Variants in ACSL3 observed in about 807,000 individuals in gnomAD.
ACSL3 encodes the protein acyl-CoA synthetase long chain family member 3, also known as fatty acid CoA ligase Acsl3.
Under a neutral mutation model 84.7 loss-of-function variants are expected in ACSL3, and 34 were observed. The observed-to-expected ratio is 0.40, with a 90% CI of 0.31 to 0.53. The LOEUF (loss-of-function observed/expected upper bound fraction) is 0.53, where lower values mean the gene tolerates loss of function less well. Ranked by LOEUF, ACSL3 falls within the 20% of genes least tolerant of loss-of-function variation. The pLI is 0.48. For synonymous variants in ACSL3, 315 were observed against 299.4 expected (o/e 1.05, Z -0.54); for missense variants, 680 against 873.1 (o/e 0.78, Z 2.79).
chr2:222,869,128 A>G (rs1180947464), intron 1 of ACSL3, among the ~76,000 whole-genome samples: 1 of 152,176 alleles, frequency 6.6e-6, no homozygotes, highest in Non-Finnish European at 1.5e-5. Context: ...CCTGATAATG[A>G]TTCAGATGGT....
At chr2:222,912,487 T>A (rs1696470182) in intron 4 of ACSL3, among the ~76,000 whole-genome samples, 1 of 152,228 alleles carries the variant, frequency 6.6e-6, no homozygotes, top group African/African-American at 2.4e-5. Flanking sequence ...TTAAATAGTT[T>A]CCATATTTGA....
intron 15 of ACSL3, chr2:222,933,507 G>A: frequency 2.7e-6 from 1 of 376,846 alleles, no homozygotes; most frequent in East Asian, 4.4e-5. Flanking sequence ...TCACTGCAGT[G>A]TCCCATGGAG....
intron 1 of ACSL3, among the ~76,000 whole-genome samples, chr2:222,863,925 C>T (rs1220423118): frequency 6.6e-6 from 1 of 151,892 alleles, no homozygotes; most frequent in African/African-American, 2.4e-5. Context: ...GCCAAAGTTA[C>T]TGCTTTCAAA....
At chr2:222,900,517 T>G (rs769886271) in intron 2 of ACSL3, among the ~76,000 whole-genome samples, 157 bp from the exon 3 acceptor site, 2 of 152,188 alleles carry the variant, frequency 1.3e-5, no homozygotes, top group African/African-American at 2.4e-5. Flanking sequence ...AAACCCGTAT[T>G]TTCAAGACTG....
intron 2 of ACSL3, among the ~76,000 whole-genome samples, chr2:222,889,423 G>T (rs1190540673): frequency 1.3e-5 from 2 of 152,102 alleles, no homozygotes; most frequent in Non-Finnish European, 2.9e-5. Context: ...GGAATGTCAT[G>T]AACTACTTGG....
chr2:222,866,231 C>T (rs1428797974), intron 1 of ACSL3, among the ~76,000 whole-genome samples: 6 of 152,150 alleles, frequency 3.9e-5, no homozygotes, highest in Non-Finnish European at 7.4e-5. Context: ...CTGTAAGCTC[C>T]GCTTCCCGGG....
At chr2:222,925,069 GCT>G (rs1456789239) in intron 11 of ACSL3, among the ~76,000 whole-genome samples, 2 of 151,432 alleles carry the variant, frequency 1.3e-5, no homozygotes, top group Non-Finnish European at 2.9e-5. Flanking sequence ...GAACACGGTG[GCT>G]CACTCCTGTA....
intron 16 of ACSL3, among the ~76,000 whole-genome samples, chr2:222,937,197 G>T (rs991536480): frequency 2.1e-5 from 1 of 48,674 alleles, no homozygotes. Flanking sequence ...TACATTAAAT[G>T]GTATTGTTTT....
intron 13 of ACSL3, 66 bp from the exon 14 acceptor site, chr2:222,930,555 C>G (rs1697002300): frequency 7.7e-7 from 1 of 1,292,018 alleles, no homozygotes. Context: ...TGTTTAGAAA[C>G]TAGTAGTTTC....
chr2:222,866,253 C>T (rs1204895911), intron 1 of ACSL3, among the ~76,000 whole-genome samples: 2 of 152,086 alleles, frequency 1.3e-5, no homozygotes, highest in African/African-American at 4.8e-5. Context: ...TCACGCCATT[C>T]TCCTGCCTCA....
chr2:222,918,193 T>G (rs781520749), intron 6 of ACSL3, 38 bp downstream of exon 6: 2 of 1,426,094 alleles, frequency 1.4e-6, no homozygotes, highest in African/African-American at 2.8e-5. Context: ...TCTGATACTT[T>G]AGAATTTTCA....
chr2:222,924,706 A>G, intron 11 of ACSL3, 111 bp downstream of exon 11: 1 of 1,235,902 alleles, frequency 8.1e-7, no homozygotes, highest in South Asian at 1.6e-5. Context: ...TATATTTCAT[A>G]AAGTCAAGAG....
Position 222,908,932 on chromosome 2 carries a change from C to T in ACSL3, c.160C>T (p.Arg54Ter). 4 of 1,612,498 alleles carry T rather than the reference C, an allele frequency of 2.5e-6. No individual in the cohort carries two copies. The highest frequency in any genetic ancestry group is 2.5e-6 in the Non-Finnish European group (3 of 1,179,446). The change falls in exon 4 of 17, where the codon CGA (arginine) becomes TGA (stop). Residue 54 changes from arginine (R) to a stop codon, truncating the protein, a stop_gained. Transcript: ENST00000357430. LOFTEE classifies it high-confidence loss of function. Reference protein sequence around the residue: ...FSESRQEKSNRIKAKPVNSKP... With the variant: ...FSESRQEKSN ...CGAGTCAAGACAAGAAAAATCAAAC[C>T]GAATTAAAGCAAAGCCTGTAAATTC...
At position 222,908,722 on chromosome 2, in the gene ACSL3, C is replaced by G; in HGVS notation, c.-40-11C>G. ...ATTTTGAACTAACGCCTTTCTTTTTCTTCCTCCTAGATTCTCGCTGAAGTC... is the reference window on the plus strand; with the variant it reads ...ATTTTGAACTAACGCCTTTCTTTTTGTTCCTCCTAGATTCTCGCTGAAGTC... On this transcript the variant is annotated splice_polypyrimidine_tract_variant and intron_variant, in intron 3 of 16. Transcript: ENST00000357430. 1 of 1,483,244 alleles carries G rather than the reference C, an allele frequency of 6.7e-7. No individual in the cohort carries two copies. The highest frequency in any genetic ancestry group is 9.0e-7 in the Non-Finnish European group (1 of 1,108,810). 91.9% of individuals were successfully genotyped at this position (1,483,244 alleles called of 1,614,324 possible). A position where few individuals can be genotyped will look rare whatever the true frequency, so the allele number is the denominator to read the frequency against.
chr2:222,886,856 T>G (rs1054450744), intron 1 of ACSL3, among the ~76,000 whole-genome samples: 1 of 152,140 alleles, frequency 6.6e-6, no homozygotes, highest in African/African-American at 2.4e-5. Context: ...AGCCTCCCTC[T>G]TTATCAACAT....
chr2:222,913,734 T>TA (rs1173671115), intron 4 of ACSL3, among the ~76,000 whole-genome samples: 1 of 152,242 alleles, frequency 6.6e-6, no homozygotes, highest in African/African-American at 2.4e-5. Context: ...ATTTTATGCT[T>TA]AATCTCTGGA....
intron 9 of ACSL3, 97 bp from the exon 10 acceptor site, chr2:222,922,981 A>C: frequency 3.0e-6 from 4 of 1,339,494 alleles, no homozygotes; most frequent in Non-Finnish European, 4.1e-6. Flanking sequence ...CTGTAAGTAC[A>C]TTAAAATAAT....
chr2:222,941,433 A>G (rs1457482081), intron 16 of ACSL3, 64 bp from the exon 17 acceptor site: 2 of 1,395,752 alleles, frequency 1.4e-6, no homozygotes, highest in Non-Finnish European at 1.9e-6. Context: ...AAAGTGGGGA[A>G]GTTACACCAT....
chr2:222,920,965 G>T (rs1696718175), intron 7 of ACSL3: 1 of 498,292 alleles, frequency 2.0e-6, no homozygotes, highest in Non-Finnish European at 4.1e-6. Context: ...CTTTATTCAG[G>T]CCTTTGCTAA....
Sources: gnomAD v4.1 joint callset for allele counts (sites outside exome capture counted in the v4.1 genomes callset) on GRCh38, gnomAD v4.1.1 for gene constraint, MANE v1.5 for transcripts, NCBI Gene and HGNC (gene_info 2026-07-23, HGNC 2026-07-21) for gene names.